Variants in CNIH3 observed in about 807,000 individuals in gnomAD.
CNIH3 encodes protein cornichon homolog 3.
A neutral mutation model predicts 24.1 loss-of-function variants in CNIH3; 14 were observed. The ratio of observed to expected loss-of-function variants is 0.58; its 90% confidence interval spans 0.38 to 0.91. CNIH3 has a LOEUF of 0.91. Ranked by LOEUF, CNIH3 falls within the 40% of genes least tolerant of loss-of-function variation. The pLI, the probability that CNIH3 is intolerant of heterozygous loss-of-function variation, is 0.00. For synonymous variants in CNIH3, 68 were observed against 73.8 expected, an observed-to-expected ratio of 0.92 and a Z score of 0.40; for missense variants, 178 against 196.8, an observed-to-expected ratio of 0.90 and a Z score of 0.57.
Position 224,528,860 on chromosome 1 carries a change from A to G in CNIH3, n.343+7533A>G, listed in dbSNP as rs138604321. On this transcript the variant is annotated intron_variant and non_coding_transcript_variant, in intron 2 of 2. Coordinates refer to the CNIH3 transcript ENST00000470602. ...GCATATCACAAATATCCTACATTTT[A>G]GAGACTACCCAACTTGCGCGTGGTC... Among the ~76,000 whole-genome samples, 254 of 152,354 alleles carry G rather than the reference A, an allele frequency of 1.7e-3. 1 individual carries two copies. The highest frequency in any genetic ancestry group is 5.6e-3 in the African/African-American group (232 of 41,588).
chr1:224,471,203 T>C (rs1676355380), intron 1 of CNIH3, among the ~76,000 whole-genome samples: 1 of 152,026 alleles, frequency 6.6e-6, no homozygotes, highest in South Asian at 2.1e-4. Flanking sequence ...CACATCCAGC[T>C]CATGTTTTAT....
intron 1 of CNIH3, among the ~76,000 whole-genome samples, chr1:224,452,556 C>T (rs554479983): frequency 2.3e-4 from 35 of 151,540 alleles, no homozygotes; most frequent in Non-Finnish European, 3.2e-4. Flanking sequence ...CCAAGGTGGG[C>T]GGATCACAAG....
chr1:224,727,391 T>C (rs925984885), intron 3 of CNIH3, among the ~76,000 whole-genome samples: 3 of 152,214 alleles, frequency 2.0e-5, no homozygotes, highest in Non-Finnish European at 4.4e-5. Flanking sequence ...TTTCCTTACT[T>C]GTGGCTTCAG....
chr1:224,672,977 C>T (rs1685943363), intron 1 of CNIH3, among the ~76,000 whole-genome samples: 1 of 152,154 alleles, frequency 6.6e-6, no homozygotes, highest in Admixed American at 6.5e-5. Flanking sequence ...GGGGTTAACC[C>T]AAATCTGTCC....
chr1:224,463,040 G>T (rs1269221731), intron 1 of CNIH3, among the ~76,000 whole-genome samples: 1 of 150,842 alleles, frequency 6.6e-6, no homozygotes, highest in Admixed American at 6.6e-5. Context: ...TGGGACTACA[G>T]GCGTGTGCCA....
At position 224,734,843 on chromosome 1, in the gene CNIH3, G is replaced by A. The variant is rs537603151; in HGVS notation, c.455+137G>A. The A allele has an allele frequency of 8.8e-5, 77 of 876,256 alleles. No individual in the cohort carries two copies. The African/African-American group carries it at 1.1e-3, about 13-fold the overall frequency. The allele number at this position is 876,256 out of a possible 1,614,324, so 54.3% of individuals were successfully genotyped here. On this transcript the variant is annotated intron_variant, in intron 5 of 5. Coordinates refer to ENST00000272133, the MANE Select transcript of CNIH3 (RefSeq NM_152495.2). The stretch of plus-strand genomic sequence containing the variant: ...TGGCCATTCAGGTGTAGTCCCAGCT[G>A]TCTGACTCTGGCTCAGGAGCAAGGG...
chr1:224,693,293 A>G (rs1687015859), intron 3 of CNIH3, among the ~76,000 whole-genome samples: 2 of 152,210 alleles, frequency 1.3e-5, no homozygotes, highest in South Asian at 4.1e-4. Flanking sequence ...TTTACAAACA[A>G]ATCCCTAACA....
chr1:224,553,854 A>G (rs1680028602), intron 3 of CNIH3, among the ~76,000 whole-genome samples: 1 of 150,756 alleles, frequency 6.6e-6, no homozygotes, highest in African/African-American at 2.4e-5. Context: ...AGCCAAATAG[A>G]TATTTATAGA....
chr1:224,667,128 A>G (rs1392469135), intron 1 of CNIH3, among the ~76,000 whole-genome samples: 1 of 152,212 alleles, frequency 6.6e-6, no homozygotes, highest in African/African-American at 2.4e-5. Context: ...AGTGAATGAA[A>G]TAACTCTGAC....
intron 2 of CNIH3, among the ~76,000 whole-genome samples, chr1:224,532,539 AG>A (rs1679115569): frequency 6.6e-6 from 1 of 152,208 alleles, no homozygotes; most frequent in East Asian, 1.9e-4. Flanking sequence ...TGGTACTGGA[AG>A]TGGGCAGAAG....
intron 4 of CNIH3, among the ~76,000 whole-genome samples, chr1:224,732,292 C>T (rs926472256): frequency 3.9e-5 from 6 of 152,168 alleles, no homozygotes; most frequent in Middle Eastern, 6.8e-3. Flanking sequence ...GCTGCGTGGC[C>T]GGGAGGTCGA....
chr1:224,547,000 T>C, intron 3 of CNIH3: 1 of 700,810 alleles, frequency 1.4e-6, no homozygotes, highest in Non-Finnish European at 1.7e-6. Flanking sequence ...TAATTGGTAG[T>C]GGTAAGATGG....
upstream of CNIH3, among the ~76,000 whole-genome samples, chr1:224,612,817 CAAAGGG>C (rs1682759898): frequency 6.6e-6 from 1 of 151,754 alleles, no homozygotes; most frequent in Non-Finnish European, 1.5e-5. The surrounding 1 kb of genome is among the most constrained non-coding windows in gnomAD (Gnocchi z 4.7). Flanking sequence ...AGAGAGGTCC[CAAAGGG>C]ACTCAGAATT....
chr1:224,450,782 T>A (rs1202168024), intron 1 of CNIH3, among the ~76,000 whole-genome samples: 1 of 152,206 alleles, frequency 6.6e-6, no homozygotes, highest in Non-Finnish European at 1.5e-5. Flanking sequence ...AGACACCCCC[T>A]CCACATTTCA....
At chr1:224,641,886 T>C (rs1016415908) in intron 1 of CNIH3, among the ~76,000 whole-genome samples, 1 of 152,220 alleles carries the variant, frequency 6.6e-6, no homozygotes, top group Non-Finnish European at 1.5e-5. Context: ...CAAGTTGTAT[T>C]TGTAAAACTA....
At chr1:224,480,484 A>G (rs1229836048) in intron 1 of CNIH3, among the ~76,000 whole-genome samples, 1 of 152,092 alleles carries the variant, frequency 6.6e-6, no homozygotes, top group Non-Finnish European at 1.5e-5. Context: ...TTTCTATCAC[A>G]TTGCCAGGCT....
At chr1:224,463,502 A>C (rs1052031595) in intron 1 of CNIH3, among the ~76,000 whole-genome samples, 5 of 151,056 alleles carry the variant, frequency 3.3e-5, no homozygotes, top group Admixed American at 6.6e-5. Flanking sequence ...TCTGCCTCCC[A>C]GGTTCAAGCG....
chr1:224,502,034 G>A (rs1677697131), intron 1 of CNIH3, among the ~76,000 whole-genome samples: 1 of 152,110 alleles, frequency 6.6e-6, no homozygotes, highest in Admixed American at 6.5e-5. Flanking sequence ...TGTGGGGAGG[G>A]CAGGTGAGCA....
At chr1:224,733,351 C>T (rs1230014068) in intron 4 of CNIH3, among the ~76,000 whole-genome samples, 1 of 152,194 alleles carries the variant, frequency 6.6e-6, no homozygotes, top group Non-Finnish European at 1.5e-5. Flanking sequence ...CTTCTGCCTC[C>T]ACTTAATGAG....
Sources: gnomAD v4.1 joint callset for allele counts (sites outside exome capture counted in the v4.1 genomes callset) on GRCh38, gnomAD v4.1.1 for gene constraint, Gnocchi (gnomAD v3.1) non-coding constraint, MANE v1.5 for transcripts, NCBI Gene and HGNC (gene_info 2026-07-23, HGNC 2026-07-21) for gene names.